The following CISD2 variants were observed in gnomAD, a reference collection of about 807,000 sequenced individuals.
CISD2 encodes the protein CDGSH iron sulfur domain 2, also known as CDGSH iron-sulfur domain-containing protein 2.
In CISD2, 1 loss-of-function variant was observed where a neutral mutation model predicts 12.9. The observed-to-expected ratio is 0.08, with a 90% CI of 0.03 to 0.37. CISD2 has a LOEUF of 0.37. Ranked by LOEUF, CISD2 falls within the 10% of genes least tolerant of loss-of-function variation. The probability of loss-of-function intolerance (pLI) is 0.99; values close to 1 mark genes in which losing one functional copy is unlikely to be tolerated. For missense variants in CISD2, 97 were observed against 163.1 expected (o/e 0.59, Z 2.21); for synonymous variants, 50 against 60.6 (o/e 0.83, Z 0.81).
chr4:102,875,046 G>C (rs992720992), intron 1 of CISD2, among the ~76,000 whole-genome samples: 6 of 152,190 alleles, frequency 3.9e-5, no homozygotes, highest in African/African-American at 1.4e-4. Flanking sequence ...CTTACCTGTT[G>C]AATATCAGAG....
rs530754883 is a variant in CISD2, at chr4:102,890,520, C to T, written c.*3090C>T. On this transcript the variant is annotated 3_prime_UTR_variant, in exon 3 of 3. Coordinates refer to ENST00000273986, the MANE Select transcript of CISD2 (RefSeq NM_001008388.5). ...TCTGGAGAGACCAGGGGAGATGTTACTAATGCTTGTACTTTATTCAGAAAT... is the reference window on the plus strand; with the variant it reads ...TCTGGAGAGACCAGGGGAGATGTTATTAATGCTTGTACTTTATTCAGAAAT... The T allele has an allele frequency of 6.6e-6, 1 of 152,050 alleles. No individual in the cohort carries two copies. Among genetic ancestry groups the T allele is most frequent in the East Asian group, 1.9e-4 (1 of 5,178 alleles). 9.4% of individuals were successfully genotyped at this position (152,050 alleles called of 1,614,324 possible). A position where few individuals can be genotyped will look rare whatever the true frequency, so the allele number is the denominator to read the frequency against.
Position 102,887,508 on chromosome 4 carries a change from A to C in CISD2, c.*78A>C. On this transcript the variant is annotated 3_prime_UTR_variant, in exon 3 of 3. Transcript: ENST00000273986. ...GGTCTTAATTATTACTACTGGTTGA[A>C]CAATTATTTCTTCCAATTTATTTTC... The C allele has an allele frequency of 1.3e-6, 1 of 789,654 alleles. No homozygotes were observed. The highest frequency in any genetic ancestry group is 2.2e-6 in the Non-Finnish European group (1 of 465,018). The allele number at this position is 789,654 out of a possible 1,614,324, so 48.9% of individuals were successfully genotyped here.
intron 1 of CISD2, among the ~76,000 whole-genome samples, chr4:102,876,508 G>C (rs1274152169): frequency 6.6e-6 from 1 of 152,212 alleles, no homozygotes; most frequent in Non-Finnish European, 1.5e-5. Context: ...CCAGTACTTT[G>C]AGAGGCCAAG....
intron 1 of CISD2, among the ~76,000 whole-genome samples, chr4:102,871,345 C>T (rs1019380564): frequency 3.9e-5 from 6 of 152,150 alleles, no homozygotes; most frequent in Non-Finnish European, 8.8e-5. Flanking sequence ...TATATAGTAA[C>T]TTCCTCTTAA....
chr4:102,870,106 A>G (rs1481126268), intron 1 of CISD2, among the ~76,000 whole-genome samples: 1 of 152,262 alleles, frequency 6.6e-6, no homozygotes, highest in Non-Finnish European at 1.5e-5. Context: ...GAGTGCAAAC[A>G]TGAATTAAGA....
chr4:102,885,660 A>C (rs1733870504), intron 2 of CISD2, among the ~76,000 whole-genome samples: 1 of 152,238 alleles, frequency 6.6e-6, no homozygotes, highest in East Asian at 1.9e-4. Flanking sequence ...AATGTTTGGC[A>C]TTTATGTAGA....
intron 1 of CISD2, among the ~76,000 whole-genome samples, chr4:102,873,146 C>T (rs569619555): frequency 2.2e-4 from 33 of 152,318 alleles, no homozygotes; most frequent in African/African-American, 7.9e-4. Flanking sequence ...ATTACCTCCA[C>T]CTGGTCTTTC....
At chr4:102,880,062 C>T (rs1733679347) in intron 1 of CISD2, among the ~76,000 whole-genome samples, 2 of 152,096 alleles carry the variant, frequency 1.3e-5, no homozygotes, top group African/African-American at 4.8e-5. Flanking sequence ...CCTGCCTCAG[C>T]CTCCTGAGTA....
intron 1 of CISD2, among the ~76,000 whole-genome samples, chr4:102,883,212 A>G (rs1733768098): frequency 1.3e-5 from 2 of 151,936 alleles, no homozygotes; most frequent in Non-Finnish European, 1.5e-5. Context: ...GCCCCCAACC[A>G]CCTCCTTTAT....
In CISD2 at chr4:102,888,085, TTTTAA is replaced by T. The variant is rs1176195174; in HGVS notation, c.*656_*660del. 6.6e-6 allele frequency: 1 copy of T among 151,760 alleles called. No individual in the cohort carries two copies. Among genetic ancestry groups the T allele is most frequent in the Non-Finnish European group, 1.5e-5 (1 of 68,020 alleles). The allele number at this position is 151,760 out of a possible 1,614,324, so 9.4% of individuals were successfully genotyped here. A position where few individuals can be genotyped will look rare whatever the true frequency, so the allele number is the denominator to read the frequency against. On this transcript the variant is annotated 3_prime_UTR_variant, in exon 3 of 3. Transcript: ENST00000273986. ...GTGTGTGTGTGTGTGTGTGTGTGTA[TTTTAA>T]ACTGACTCAGTGACAGCTGGGGTGG...
intron 1 of CISD2, among the ~76,000 whole-genome samples, chr4:102,879,455 T>A (rs1733665397): frequency 6.6e-6 from 1 of 152,092 alleles, no homozygotes; most frequent in Non-Finnish European, 1.5e-5. Flanking sequence ...TAGGTCCATA[T>A]AGTTACAAAA....
chr4:102,889,646 C>T lies in CISD2; in HGVS notation c.*2216C>T, dbSNP rs1159652137. 2.0e-5 allele frequency: 3 copies of T among 152,178 alleles called. No homozygotes were observed. The highest frequency in any genetic ancestry group is 7.2e-5 in the African/African-American group (3 of 41,438). The allele number at this position is 152,178 out of a possible 1,614,324, so 9.4% of individuals were successfully genotyped here. ...CAGAATAAAGACTTTTTCCCTGCCA[C>T]ATTTTCAGTTGTTAAAATATGCTAA... On this transcript the variant is annotated 3_prime_UTR_variant, in exon 3 of 3. Transcript: ENST00000273986.
intron 1 of CISD2, among the ~76,000 whole-genome samples, chr4:102,872,361 C>T (rs568571039): frequency 2.6e-5 from 4 of 152,282 alleles, no homozygotes; most frequent in Admixed American, 6.5e-5. Flanking sequence ...TGAGCCACTG[C>T]GCCCAGCCCT....
chr4:102,869,001 C>T lies in CISD2; in HGVS notation c.-84C>T, dbSNP rs545449702. 6,454 of 1,443,592 alleles carry T rather than the reference C, an allele frequency of 4.5e-3. 33 individuals carry two copies. Among genetic ancestry groups the T allele is most frequent in the Middle Eastern group, 0.01 (43 of 4,148 alleles). 89.4% of individuals were successfully genotyped at this position (1,443,592 alleles called of 1,614,324 possible). ...CCAGGCCGAGGCCGCCAGTGCCCGC[C>T]GGCCGCTTCCGCTCCCGGCGCAGGC... is the stretch of plus-strand genomic sequence containing the variant. On this transcript the variant is annotated 5_prime_UTR_variant, in exon 1 of 3. Coordinates refer to ENST00000273986, the MANE Select transcript of CISD2 (RefSeq NM_001008388.5).
chr4:102,880,964 C>A (rs2110396886), intron 1 of CISD2, among the ~76,000 whole-genome samples: 1 of 150,132 alleles, frequency 6.7e-6, no homozygotes, highest in East Asian at 2.0e-4. Context: ...ACACTCCAGC[C>A]TGGGAAACAG....
At chr4:102,873,045 G>C (rs1280813557) in intron 1 of CISD2, among the ~76,000 whole-genome samples, 1 of 152,140 alleles carries the variant, frequency 6.6e-6, no homozygotes, top group Admixed American at 6.5e-5. Flanking sequence ...GCCGAGCAAA[G>C]GAGGAAGAGC....
intron 2 of CISD2, among the ~76,000 whole-genome samples, chr4:102,885,697 C>T (rs1733874036): frequency 6.6e-6 from 1 of 152,154 alleles, no homozygotes; most frequent in African/African-American, 2.4e-5. Context: ...AATACACATT[C>T]TTTGAGAGAG....
intron 1 of CISD2, among the ~76,000 whole-genome samples, chr4:102,877,837 C>G (rs942521088): frequency 2.6e-5 from 4 of 152,322 alleles, no homozygotes; most frequent in Non-Finnish European, 5.9e-5. Flanking sequence ...GTGGCTTGCT[C>G]CCTCTGAAGC....
intron 1 of CISD2, among the ~76,000 whole-genome samples, chr4:102,879,373 T>A (rs983868784): frequency 6.6e-6 from 1 of 152,044 alleles, no homozygotes; most frequent in Non-Finnish European, 1.5e-5. Flanking sequence ...AAGGGGGGGA[T>A]TGATTGGGAA....
Sources: allele counts gnomAD v4.1 joint callset (sites outside exome capture counted in the v4.1 genomes callset), GRCh38; gene constraint gnomAD v4.1.1; transcripts MANE v1.5; gene names NCBI Gene and HGNC (gene_info 2026-07-23, HGNC 2026-07-21).